The following STEAP1B variants were observed in gnomAD, a reference collection of about 807,000 sequenced individuals.
The protein encoded by STEAP1B is STEAP family member 1B, also known as STEAP family protein MGC87042.
In STEAP1B, 13 loss-of-function variants were observed where a neutral mutation model predicts 27.9. The observed-to-expected ratio is 0.47, with a 90% CI of 0.30 to 0.74. The LOEUF is 0.74. STEAP1B is among the 30% of genes least tolerant of loss of function. The pLI, the probability that STEAP1B is intolerant of heterozygous loss-of-function variation, is 0.06. For missense variants in STEAP1B, 250 were observed against 298.7 expected, an observed-to-expected ratio of 0.84 and a Z score of 1.20; for synonymous variants, 86 against 107.1, an observed-to-expected ratio of 0.80 and a Z score of 1.22.
intron 4 of STEAP1B, among the ~76,000 whole-genome samples, chr7:22,428,242 G>C (rs776406837): frequency 4.6e-5 from 7 of 152,170 alleles, no homozygotes; most frequent in Admixed American, 1.3e-4. Flanking sequence ...AGAGTGTCTA[G>C]GGAGCACAAC....
chr7:22,452,932 T>C (rs1263545619), intron 4 of STEAP1B, among the ~76,000 whole-genome samples: 1 of 152,170 alleles, frequency 6.6e-6, no homozygotes, highest in Non-Finnish European at 1.5e-5. Flanking sequence ...CTTTTTCTCC[T>C]TTGAATCCTG....
At chr7:22,471,411 C>CATCTTTGGATGA (rs1785881475) in intron 4 of STEAP1B, among the ~76,000 whole-genome samples, 1 of 152,136 alleles carries the variant, frequency 6.6e-6, no homozygotes, top group Non-Finnish European at 1.5e-5. Context: ...CAAGTAAAAA[C>CATCTTTGGATGA]CATCTGCTGC....
chr7:22,429,104 T>C (rs1347484939), intron 4 of STEAP1B, among the ~76,000 whole-genome samples: 1 of 152,214 alleles, frequency 6.6e-6, no homozygotes, highest in African/African-American at 2.4e-5. Context: ...ACAATCACTT[T>C]GGTAAACAAC....
chr7:22,443,979 C>T (rs1017552005), intron 4 of STEAP1B, among the ~76,000 whole-genome samples: 2 of 152,232 alleles, frequency 1.3e-5, no homozygotes, highest in Admixed American at 1.3e-4. Context: ...CTGAGTCCCA[C>T]TGCCCTGGTT....
chr7:22,457,894 C>T (rs1026745429), intron 4 of STEAP1B, among the ~76,000 whole-genome samples: 2 of 152,208 alleles, frequency 1.3e-5, no homozygotes, highest in African/African-American at 4.8e-5. Flanking sequence ...TGGCGTTACT[C>T]TGCAATGAAA....
At chr7:22,490,355 C>T (rs1376937502) in intron 4 of STEAP1B, among the ~76,000 whole-genome samples, 1 of 151,928 alleles carries the variant, frequency 6.6e-6, no homozygotes, top group Non-Finnish European at 1.5e-5. Context: ...CTATGTAAGC[C>T]CTCTTTTTCT....
Position 22,492,736 on chromosome 7 carries a change from G to A in STEAP1B, c.598-7C>T. The A allele has an allele frequency of 6.3e-7, 1 of 1,580,470 alleles. No individual in the cohort carries two copies. The highest frequency in any genetic ancestry group is 2.2e-5 in the East Asian group (1 of 44,578). On this transcript the variant is annotated splice_polypyrimidine_tract_variant and splice_region_variant and intron_variant, in intron 3 of 4. Transcript: ENST00000678116. ...CTTCTTTATTTTGTTGGACCTACCA[G>A]AAGGTAAATAAAGAAAGAAGAAATG...
chr7:22,448,592 T>C lies in STEAP1B; in HGVS notation c.763-28756A>G, dbSNP rs188184849. Among the ~76,000 whole-genome samples the C allele has an allele frequency of 1.6e-3, 240 of 152,340 alleles. 1 individual carries two copies. The highest frequency in any genetic ancestry group is 5.4e-3 in the African/African-American group (226 of 41,572). Reference sequence around the variant, plus strand: ...TTTTTCTTCTGGATTGGCTTATCATTAAAATTATGAAGAAATTATTCAGAA... The same window carrying C: ...TTTTTCTTCTGGATTGGCTTATCATCAAAATTATGAAGAAATTATTCAGAA... On this transcript the variant is annotated intron_variant, in intron 4 of 4. Coordinates refer to ENST00000678116, the MANE Select transcript of STEAP1B (RefSeq NM_001382447.1).
chr7:22,491,502 G>A (rs769412837), intron 4 of STEAP1B, among the ~76,000 whole-genome samples: 1 of 152,190 alleles, frequency 6.6e-6, no homozygotes, highest in Non-Finnish European at 1.5e-5. Context: ...TTCAGGCTGG[G>A]ATGACTATAG....
intron 4 of STEAP1B, among the ~76,000 whole-genome samples, chr7:22,489,910 A>T (rs541607530): frequency 6.6e-6 from 1 of 152,286 alleles, no homozygotes; most frequent in African/African-American, 2.4e-5. Context: ...TTATTTTATA[A>T]TCAGGAAAAA....
intron 4 of STEAP1B, among the ~76,000 whole-genome samples, chr7:22,444,155 C>T (rs1380835714): frequency 2.6e-5 from 4 of 152,346 alleles, no homozygotes; most frequent in East Asian, 1.9e-4. Context: ...CTGCCATCCT[C>T]ATCCTAGGAC....
chr7:22,473,476 C>A (rs1785920547), intron 4 of STEAP1B, among the ~76,000 whole-genome samples: 1 of 152,188 alleles, frequency 6.6e-6, no homozygotes, highest in Non-Finnish European at 1.5e-5. Flanking sequence ...CTTCTACTAC[C>A]ATCCAACCTT....
chr7:22,483,515 G>C (rs1362844354), intron 4 of STEAP1B, among the ~76,000 whole-genome samples: 1 of 152,152 alleles, frequency 6.6e-6, no homozygotes. Context: ...TTGGATGTTT[G>C]TGGCAAGCCT....
At chr7:22,490,757 T>C (rs1283895748) in intron 4 of STEAP1B, among the ~76,000 whole-genome samples, 3 of 152,210 alleles carry the variant, frequency 2.0e-5, no homozygotes, top group Non-Finnish European at 4.4e-5. Context: ...AAGAAAGTAG[T>C]GTGTATTTCC....
intron 4 of STEAP1B, among the ~76,000 whole-genome samples, chr7:22,462,853 G>A (rs1158911819): frequency 6.6e-6 from 1 of 151,828 alleles, no homozygotes; most frequent in African/African-American, 2.4e-5. Flanking sequence ...CACCAACAGT[G>A]TAAAAGTGTT....
rs1785253056 is a variant in STEAP1B, at chr7:22,436,256, G to A, written c.763-16420C>T. Among the ~76,000 whole-genome samples the A allele has an allele frequency of 3.3e-5, 5 of 152,234 alleles. No homozygotes were observed. The South Asian group carries it at 8.3e-4, about 25-fold the overall frequency. ...TTGACATACAAAAAGCTGTACATATGTAATGTGTACAACTTGGTGAGTTTG... is the reference window on the plus strand; with the variant it reads ...TTGACATACAAAAAGCTGTACATATATAATGTGTACAACTTGGTGAGTTTG... On this transcript the variant is annotated intron_variant, in intron 4 of 4. Coordinates refer to ENST00000678116, the MANE Select transcript of STEAP1B (RefSeq NM_001382447.1).
chr7:22,420,753 C>A (rs1224420112), intron 4 of STEAP1B, among the ~76,000 whole-genome samples: 1 of 152,206 alleles, frequency 6.6e-6, no homozygotes, highest in Non-Finnish European at 1.5e-5. Context: ...TCTTCCTGGG[C>A]ACATACTTAC....
chr7:22,447,264 A>G (rs1390735420), intron 4 of STEAP1B, among the ~76,000 whole-genome samples: 2 of 152,182 alleles, frequency 1.3e-5, no homozygotes, highest in Non-Finnish European at 2.9e-5. Context: ...ATTGGTCACC[A>G]TTGCTTATTA....
chr7:22,430,227 G>A, intron 4 of STEAP1B, among the ~76,000 whole-genome samples: 1 of 152,204 alleles, frequency 6.6e-6, no homozygotes, highest in East Asian at 1.9e-4. Flanking sequence ...CAACCTGTGT[G>A]ACTTCTCACT....
Sources: allele counts gnomAD v4.1 joint callset (sites outside exome capture counted in the v4.1 genomes callset), GRCh38; gene constraint gnomAD v4.1.1; transcripts MANE v1.5; gene names NCBI Gene and HGNC (gene_info 2026-07-23, HGNC 2026-07-21).